The following LGALS8 variants were observed in gnomAD, a reference collection of about 807,000 sequenced individuals.
LGALS8 encodes the protein galectin 8.
A neutral mutation model predicts 35.9 loss-of-function variants in LGALS8; 30 were observed. That is an observed-to-expected ratio of 0.83 (90% CI 0.62 to 1.13). LGALS8 has a LOEUF of 1.13. LGALS8 is among the 50% of genes most tolerant of loss of function. The probability of loss-of-function intolerance (pLI) is 0.00; values close to 1 mark genes in which losing one functional copy is unlikely to be tolerated. For synonymous variants in LGALS8, 138 were observed against 136.1 expected (o/e 1.01, Z -0.10); for missense variants, 366 against 388.7 (o/e 0.94, Z 0.49).
chr1:236,523,741 T>G (rs1660632718), upstream of LGALS8: 1 of 297,222 alleles, frequency 3.4e-6, no homozygotes, highest in Non-Finnish European at 6.6e-6. Context: ...TTTGTCCTTA[T>G]CCCTCTGTGC....
At chr1:236,540,152 G>A (rs544955241) in intron 4 of LGALS8, 150 of 171,676 alleles carry the variant, frequency 8.7e-4, no homozygotes, top group African/African-American at 3.4e-3. Flanking sequence ...TTGAGTGTCT[G>A]CCACATGGGT....
chr1:236,523,911 A>G (rs1660643939), upstream of LGALS8: 2 of 356,620 alleles, frequency 5.6e-6, no homozygotes, highest in African/African-American at 2.1e-5. Flanking sequence ...GGGAGACCAC[A>G]GCAGTGAGGC....
Position 236,538,958 on chromosome 1 carries a change from A to G in LGALS8, c.214A>G (p.Arg72Gly), listed in dbSNP as rs1264285185. Residue 72 changes from arginine to glycine, a missense_variant, in exon 4 of 10, where the codon AGG (arginine) becomes GGG (glycine). Physicochemically the swap from Arg to Gly is moderately radical, Grantham distance 125. Transcript: ENST00000366584. ...CTTTCATTTCAATCCTCGTTTCAAA[A>G]GGGCCGGCTGCATTGTTTGCAATAC... ...VAFHFNPRFK[R>G]AGCIVCNTLI... 6.2e-7 allele frequency: 1 copy of G among 1,614,120 alleles called. No homozygotes were observed. Among genetic ancestry groups the G allele is most frequent in the South Asian group, 1.1e-5 (1 of 91,086 alleles).
At position 236,543,671 on chromosome 1, in the gene LGALS8, C is replaced by G. The variant is rs367878530; in HGVS notation, c.638+23C>G. ...AAGGTCAGTATCCTTCGGTACCAGTCACAGTGCAGATACTTCCGTGCCTGT... is the reference window on the plus strand; with the variant it reads ...AAGGTCAGTATCCTTCGGTACCAGTGACAGTGCAGATACTTCCGTGCCTGT... On this transcript the variant is annotated intron_variant, in intron 8 of 9. Coordinates refer to ENST00000366584, the MANE Select transcript of LGALS8 (RefSeq NM_201544.4). The G allele has an allele frequency of 9.0e-6, 14 of 1,551,300 alleles. No homozygotes were observed. In the African/African-American group the frequency reaches 1.6e-4, roughly 18 times the overall value.
upstream of LGALS8, among the ~76,000 whole-genome samples, chr1:236,518,884 A>G (rs1468858242): frequency 6.6e-6 from 1 of 152,234 alleles, no homozygotes. Flanking sequence ...AAAGTGACAC[A>G]GCAACAAAAC....
In LGALS8 at chr1:236,542,827, T is replaced by C. The variant is rs550054460; in HGVS notation, c.549+40T>C. On this transcript the variant is annotated intron_variant, in intron 7 of 9. Transcript: ENST00000366584. ...CTGGGTTATTTCATGTGGAATATTT[T>C]ATAAAGTTGCATAGAAAATGAACAG... 2.5e-6 allele frequency: 4 copies of C among 1,614,226 alleles called. No homozygotes were observed. In the South Asian group the frequency reaches 4.4e-5, roughly 18 times the overall value.
In LGALS8 at chr1:236,551,282, G is replaced by A. The variant is rs1466890187; in HGVS notation, c.*3121G>A. The A allele has an allele frequency of 1.9e-5, 7 of 374,154 alleles. No individual in the cohort carries two copies. Among genetic ancestry groups the A allele is most frequent in the African/African-American group, 1.2e-4 (6 of 48,496 alleles). The allele number at this position is 374,154 out of a possible 1,614,324, so 23.2% of individuals were successfully genotyped here. Reference sequence around the variant, plus strand: ...TAGCTCACACCTCCCCCCTCCAAGAGCTAAGAAACAAAGGAGAATGTACTT... The same window carrying A: ...TAGCTCACACCTCCCCCCTCCAAGAACTAAGAAACAAAGGAGAATGTACTT... On this transcript the variant is annotated 3_prime_UTR_variant, in exon 10 of 10. Coordinates refer to ENST00000366584, the MANE Select transcript of LGALS8 (RefSeq NM_201544.4).
At position 236,541,638 on chromosome 1, in the gene LGALS8, T is replaced by C; in HGVS notation, c.466-16T>C. 1.5e-6 allele frequency: 2 copies of C among 1,376,552 alleles called. No individual in the cohort carries two copies. The highest frequency in any genetic ancestry group is 2.0e-6 in the Non-Finnish European group (2 of 994,660). 85.3% of individuals were successfully genotyped at this position (1,376,552 alleles called of 1,614,324 possible). ...CTACTGGATGTTACAAATTAATCTT[T>C]ATTATCTTTTCTCAGGACTTACAAA... On this transcript the variant is annotated splice_polypyrimidine_tract_variant and intron_variant, in intron 5 of 9. Coordinates refer to ENST00000366584, the MANE Select transcript of LGALS8 (RefSeq NM_201544.4).
chr1:236,539,033 T>G lies in LGALS8; in HGVS notation c.289T>G (p.Phe97Val), dbSNP rs769177520. 6.2e-6 allele frequency: 10 copies of G among 1,614,060 alleles called. No individual in the cohort carries two copies. The highest frequency in any genetic ancestry group is 5.9e-6 in the Non-Finnish European group (7 of 1,180,042). ...GGAAGAGATCACCTATGACACGCCT[T>G]TCAAAAGAGAAAAGTCTTTTGAGAT... ...GREEITYDTP[F>V]KREKSFEIVI... The change falls in exon 4 of 10, where the codon TTC (phenylalanine) becomes GTC (valine). Residue 97 changes from phenylalanine to valine, a missense_variant. Physicochemically the swap from Phe to Val is conservative, Grantham distance 50. Transcript: ENST00000366584.
rs761488184 is a variant in LGALS8 at position 236,550,947 on chromosome 1, C to T, written c.*2786C>T. ...GCTCTCCCAGGACAGTTTCCAGTTG[C>T]TGAATAGTCTTTTGGCACTGATGTT... On this transcript the variant is annotated 3_prime_UTR_variant, in exon 10 of 10. Coordinates refer to ENST00000366584, the MANE Select transcript of LGALS8 (RefSeq NM_201544.4). The T allele has an allele frequency of 1.0e-5, 16 of 1,604,566 alleles. No homozygotes were observed. The South Asian group carries it at 1.6e-4, about 16-fold the overall frequency.
chr1:236,544,532 T>G (rs72755785), intron 8 of LGALS8, among the ~76,000 whole-genome samples: 7 of 82,396 alleles, frequency 8.5e-5, no homozygotes, highest in Admixed American at 1.1e-4. Context: ...TTTTAAAGGG[T>G]TTTTTTTTTC....
At chr1:236,545,402 G>C (rs1320623564) in intron 9 of LGALS8, among the ~76,000 whole-genome samples, 1 of 152,220 alleles carries the variant, frequency 6.6e-6, no homozygotes, top group Non-Finnish European at 1.5e-5. Context: ...GCAGTCCTGA[G>C]TCCCCAGATA....
upstream of LGALS8, among the ~76,000 whole-genome samples, chr1:236,522,728 A>C (rs994096668): frequency 1.3e-5 from 2 of 152,254 alleles, no homozygotes; most frequent in Non-Finnish European, 2.9e-5. Flanking sequence ...GGATAGATAA[A>C]ACACACAACA....
intron 9 of LGALS8, 130 bp from the exon 10 acceptor site, chr1:236,547,881 GA>G (rs1662484462): frequency 4.0e-6 from 3 of 757,020 alleles, no homozygotes; most frequent in East Asian, 5.3e-5. Context: ...AAGTCAGAAG[GA>G]AGTCAGCAGC....
chr1:236,524,400 C>G, intron 1 of LGALS8: 1 of 455,832 alleles, frequency 2.2e-6, no homozygotes, highest in Non-Finnish European at 4.4e-6. Context: ...GCTTTCTCAC[C>G]TGTTCCCTCC....
intron 2 of LGALS8, among the ~76,000 whole-genome samples, chr1:236,529,517 G>A (rs1463832705): frequency 1.3e-5 from 2 of 151,180 alleles, no homozygotes; most frequent in African/African-American, 2.4e-5. Context: ...GGGAGGTGGA[G>A]GTTGTAATGA....
chr1:236,539,165 GC>G, intron 4 of LGALS8, 76 bp downstream of exon 4: 1 of 1,194,786 alleles, frequency 8.4e-7, no homozygotes, highest in Non-Finnish European at 1.2e-6. Flanking sequence ...ACATTTGTGA[GC>G]CCAGCCTTAT....
Position 236,551,221 on chromosome 1 carries a change from CA to C in LGALS8, c.*3064del. ...GCACTGGAAGCTGAATAAGAATCCC[CA>C]AAACTCAAACTTCCTAGGGATGCCA... On this transcript the variant is annotated 3_prime_UTR_variant, in exon 10 of 10. Coordinates refer to ENST00000366584, the MANE Select transcript of LGALS8 (RefSeq NM_201544.4). 1 of 496,500 alleles carries C rather than the reference CA, an allele frequency of 2.0e-6. No individual in the cohort carries two copies. The highest frequency in any genetic ancestry group is 3.5e-6 in the Non-Finnish European group (1 of 282,492). 30.8% of individuals were successfully genotyped at this position (496,500 alleles called of 1,614,324 possible). A position where few individuals can be genotyped will look rare whatever the true frequency, so the allele number is the denominator to read the frequency against.
At chr1:236,531,473 G>C (rs187753776) in intron 2 of LGALS8, among the ~76,000 whole-genome samples, 1 of 152,028 alleles carries the variant, frequency 6.6e-6, no homozygotes, top group Non-Finnish European at 1.5e-5. Flanking sequence ...ACAGGCGCCC[G>C]CCACCCACGC....
Sources: allele counts gnomAD v4.1 joint callset (sites outside exome capture counted in the v4.1 genomes callset), GRCh38; gene constraint gnomAD v4.1.1; transcripts MANE v1.5; gene names NCBI Gene and HGNC (gene_info 2026-07-23, HGNC 2026-07-21).